Variants in DTNA observed in about 807,000 individuals in gnomAD.
The protein encoded by DTNA is dystrophin-related protein 3.
DTNA carries 43 observed loss-of-function variants against 100.7 expected under a neutral mutation model. The observed-to-expected ratio is 0.43, with a 90% CI of 0.33 to 0.55. DTNA has a LOEUF of 0.55. Among genes scored for constraint, DTNA ranks in the 20% least tolerant of loss-of-function variants. The pLI, the probability that DTNA is intolerant of heterozygous loss-of-function variation, is 0.04. For synonymous variants in DTNA, 349 were observed against 347.9 expected (o/e 1.00, Z -0.04); for missense variants, 798 against 953.9 (o/e 0.84, Z 2.15).
Position 34,551,150 on chromosome 18 carries a change from C to A in DTNA, c.-2+57636C>A, listed in dbSNP as rs1326477150. On this transcript the variant is annotated intron_variant, in intron 1 of 19. Coordinates refer to the DTNA transcript ENST00000283365. ...TGCTCTCCTGATGGATCTGTCTTGTCAACCATAAAGAGAAAAGAGTTTTGT... is the reference window on the plus strand; with the variant it reads ...TGCTCTCCTGATGGATCTGTCTTGTAAACCATAAAGAGAAAAGAGTTTTGT... Among the ~76,000 whole-genome samples, 4 of 152,274 alleles carry A rather than the reference C, an allele frequency of 2.6e-5. No individual in the cohort carries two copies. In the East Asian group the frequency reaches 7.7e-4, roughly 29 times the overall value.
Position 34,838,846 on chromosome 18 carries a change from AG to A in DTNA, c.1346+11del. 1 of 1,612,862 alleles carries A rather than the reference AG, an allele frequency of 6.2e-7. No homozygotes were observed. The highest frequency in any genetic ancestry group is 8.5e-7 in the Non-Finnish European group (1 of 1,179,040). On this transcript the variant is annotated intron_variant, in intron 13 of 22. Coordinates refer to ENST00000444659, the MANE Select transcript of DTNA (RefSeq NM_001386795.1). ...CGGAACAACCCCTCATGGTTAGTGC[AG>A]GTTTGGCTGCTTGACTGTCCTTAGA...
intron 1 of DTNA, among the ~76,000 whole-genome samples, chr18:34,560,739 C>G (rs1201454688): frequency 6.6e-6 from 1 of 152,112 alleles, no homozygotes; most frequent in Non-Finnish European, 1.5e-5. Flanking sequence ...AACCCTATCT[C>G]TACAAAAAAT....
intron 1 of DTNA, among the ~76,000 whole-genome samples, chr18:34,579,925 CT>C (rs1378936335): frequency 6.6e-6 from 1 of 152,116 alleles, no homozygotes; most frequent in African/African-American, 2.4e-5. Context: ...CTCCCCGCTA[CT>C]TTTCTGAGGC....
chr18:34,512,711 A>G (rs567979878), intron 1 of DTNA, among the ~76,000 whole-genome samples: 1 of 152,170 alleles, frequency 6.6e-6, no homozygotes, highest in East Asian at 1.9e-4. Context: ...CTGAGCATAG[A>G]AAACTTTAGG....
chr18:34,835,844 A>G (rs1322105199), intron 11 of DTNA, among the ~76,000 whole-genome samples: 1 of 152,224 alleles, frequency 6.6e-6, no homozygotes, highest in African/African-American at 2.4e-5. Context: ...CATGTTCAGC[A>G]TGAGAGGTTG....
intron 11 of DTNA, among the ~76,000 whole-genome samples, chr18:34,836,540 C>T (rs568272523): frequency 2.7e-5 from 4 of 150,042 alleles, no homozygotes; most frequent in South Asian, 4.2e-4. Flanking sequence ...CCCAACTACT[C>T]GGGAGGCTGA....
At chr18:34,738,300 A>C (rs943413465) in intron 1 of DTNA, among the ~76,000 whole-genome samples, 1 of 152,202 alleles carries the variant, frequency 6.6e-6, no homozygotes, top group Non-Finnish European at 1.5e-5. Context: ...CATCAGACAC[A>C]ACACGCATGT....
intron 1 of DTNA, among the ~76,000 whole-genome samples, chr18:34,528,736 G>A (rs1336803315): frequency 6.6e-6 from 1 of 151,946 alleles, no homozygotes; most frequent in Non-Finnish European, 1.5e-5. Context: ...ATCACTAATT[G>A]TGTAAATGCT....
At chr18:34,523,565 T>C (rs2510199) in intron 1 of DTNA, among the ~76,000 whole-genome samples, 96,699 of 152,000 alleles carry the variant, frequency 0.64, 31,448 homozygotes, top group East Asian at 0.9. Context: ...CATGGGCATT[T>C]TCTAATAATA....
intron 1 of DTNA, chr18:34,493,657 C>A (rs1180833891): frequency 1.4e-5 from 2 of 147,776 alleles, no homozygotes; most frequent in African/African-American, 4.9e-5. Context: ...AGGAGCCCGC[C>A]GCGGGGCGGG....
chr18:34,522,842 C>A (rs1442131518), intron 1 of DTNA, among the ~76,000 whole-genome samples: 1 of 152,172 alleles, frequency 6.6e-6, no homozygotes, highest in Non-Finnish European at 1.5e-5. Context: ...GCCATCAGAG[C>A]AGATGGGCCC....
chr18:34,533,762 A>G (rs1388546702), intron 1 of DTNA, among the ~76,000 whole-genome samples: 1 of 152,154 alleles, frequency 6.6e-6, no homozygotes, highest in Admixed American at 6.5e-5. Flanking sequence ...TTCTGTATGT[A>G]AATATCTTAT....
chr18:34,833,721 A>T (rs1420999098), intron 11 of DTNA, among the ~76,000 whole-genome samples: 1 of 152,196 alleles, frequency 6.6e-6, no homozygotes, highest in Admixed American at 6.5e-5. Flanking sequence ...AGAAAAAGAG[A>T]TTTGTGTGCA....
chr18:34,520,715 G>A (rs56067382), intron 1 of DTNA, among the ~76,000 whole-genome samples: 14,728 of 152,118 alleles, frequency 0.097, 890 homozygotes, highest in Non-Finnish European at 0.14. Context: ...AAACATCTGA[G>A]AACCCTTTCT....
chr18:34,890,795 C>T lies in DTNA; in HGVS notation c.*3061C>T, dbSNP rs753718235. The T allele has an allele frequency of 7.4e-6, 2 of 270,824 alleles. No individual in the cohort carries two copies. The highest frequency in any genetic ancestry group is 1.4e-5 in the Non-Finnish European group (2 of 140,514). 16.8% of individuals were successfully genotyped at this position (270,824 alleles called of 1,614,324 possible). A position where few individuals can be genotyped will look rare whatever the true frequency, so the allele number is the denominator to read the frequency against. ...GTTCATTTGTAAGTAGTAATGTGAA[C>T]TGAATTGCATTAAGAGTGTGTGGCC... On this transcript the variant is annotated 3_prime_UTR_variant, in exon 23 of 23. Coordinates refer to ENST00000444659, the MANE Select transcript of DTNA (RefSeq NM_001386795.1).
intron 15 of DTNA, 59 bp downstream of exon 15, chr18:34,851,987 A>G (rs1171987096): frequency 1.4e-5 from 21 of 1,554,124 alleles, no homozygotes; most frequent in Non-Finnish European, 1.6e-5. Context: ...TTAATAAACT[A>G]TGGTCGTGCT....
intron 3 of DTNA, among the ~76,000 whole-genome samples, chr18:34,770,808 G>A (rs1280159830): frequency 1.4e-5 from 2 of 147,270 alleles, no homozygotes; most frequent in Admixed American, 6.7e-5. Context: ...TTTGAGTGGA[G>A]TTTTGCTCTT....
chr18:34,568,105 T>C (rs2047244685), intron 1 of DTNA, among the ~76,000 whole-genome samples: 2 of 152,182 alleles, frequency 1.3e-5, no homozygotes, highest in Non-Finnish European at 2.9e-5. Context: ...ATATTCAGTA[T>C]GAATCTGAGT....
chr18:34,864,179 G>A lies in DTNA; in HGVS notation c.1743+117G>A, dbSNP rs1440297529. On this transcript the variant is annotated intron_variant, in intron 17 of 22. Transcript: ENST00000444659. ...TGTATGTGATTTCCCTCAACATGTT[G>A]TTTCAAGCTCAGATGTAAAACAATT... 4.6e-6 allele frequency: 4 copies of A among 862,902 alleles called. No individual in the cohort carries two copies. In the African/African-American group the frequency reaches 5.1e-5, roughly 11 times the overall value. 53.5% of individuals were successfully genotyped at this position (862,902 alleles called of 1,614,324 possible).
Sources: gnomAD v4.1 joint callset for allele counts (sites outside exome capture counted in the v4.1 genomes callset) on GRCh38, gnomAD v4.1.1 for gene constraint, MANE v1.5 for transcripts, NCBI Gene and HGNC (gene_info 2026-07-23, HGNC 2026-07-21) for gene names.